Variants in PACRG observed in about 807,000 individuals in gnomAD.
The protein encoded by PACRG is parkin coregulated gene protein.
In PACRG, 29 loss-of-function variants were observed where a neutral mutation model predicts 29.7. The observed-to-expected ratio is 0.98, with a 90% CI of 0.73 to 1.33. The LOEUF (loss-of-function observed/expected upper bound fraction) is 1.33, where lower values mean the gene tolerates loss of function less well. Ranked by LOEUF, PACRG falls within the 40% of genes most tolerant of loss-of-function variation. The pLI, the probability that PACRG is intolerant of heterozygous loss-of-function variation, is 0.00. For missense variants in PACRG, 279 were observed against 316.2 expected (o/e 0.88, Z 0.89); for synonymous variants, 116 against 118.7 (o/e 0.98, Z 0.15).
chr6:163,103,318 T>A (rs1158222771), intron 4 of PACRG, among the ~76,000 whole-genome samples: 3 of 152,172 alleles, frequency 2.0e-5, no homozygotes, highest in African/African-American at 4.8e-5. Flanking sequence ...AGCTCTCAAC[T>A]GCTAGAGGCG....
At position 163,212,930 on chromosome 6, in the gene PACRG, C is replaced by T. The variant is rs575891539; in HGVS notation, c.614-101897C>T. Among the ~76,000 whole-genome samples, 135 of 152,270 alleles carry T rather than the reference C, an allele frequency of 8.9e-4. 2 individuals carry two copies. In the South Asian group the frequency reaches 0.026, roughly 30 times the overall value. On this transcript the variant is annotated intron_variant, in intron 4 of 4. Transcript: ENST00000366888. ...AGTAGCTGGAACTACAGGCACCCAC[C>T]ACCACGCCCAGCTAATTTTTTGTAT...
At chr6:162,837,441 G>T (rs1789329909) in intron 2 of PACRG, among the ~76,000 whole-genome samples, 1 of 152,130 alleles carries the variant, frequency 6.6e-6, no homozygotes, top group Admixed American at 6.6e-5. Flanking sequence ...GCAAATAATA[G>T]AATACTAGTG....
chr6:163,181,490 G>A (rs1361814551), intron 4 of PACRG, among the ~76,000 whole-genome samples: 1 of 151,232 alleles, frequency 6.6e-6, no homozygotes, highest in African/African-American at 2.4e-5. Context: ...TCTGTGTCTC[G>A]TGCCAGCGGC....
intron 2 of PACRG, among the ~76,000 whole-genome samples, chr6:162,896,153 A>C (rs922291867): frequency 2.0e-5 from 3 of 152,206 alleles, no homozygotes; most frequent in Non-Finnish European, 2.9e-5. Context: ...CAGGGTGGTC[A>C]CATGGCCATG....
intron 1 of PACRG, among the ~76,000 whole-genome samples, chr6:162,766,885 G>A (rs1782835803): frequency 6.6e-6 from 1 of 151,982 alleles, no homozygotes; most frequent in African/African-American, 2.4e-5. Context: ...TCTAAGTACT[G>A]ATTCTCACAC....
intron 2 of PACRG, among the ~76,000 whole-genome samples, chr6:162,888,450 C>A (rs1794523731): frequency 6.6e-6 from 1 of 152,106 alleles, no homozygotes; most frequent in Non-Finnish European, 1.5e-5. Context: ...TCCTCAGAGA[C>A]CTTGGACTTG....
At chr6:163,286,386 A>T (rs1784402032) in intron 4 of PACRG, among the ~76,000 whole-genome samples, 1 of 152,220 alleles carries the variant, frequency 6.6e-6, no homozygotes, top group Admixed American at 6.5e-5. Context: ...TAGTAATAAA[A>T]CAATATTCTG....
rs907236276 is a variant in PACRG, at chr6:162,959,354, C to T, written c.292-102796C>T. On this transcript the variant is annotated intron_variant, in intron 2 of 4. Transcript: ENST00000366888. ...GGTCAGGGTGAGCTTGCTGAGAAGG[C>T]GACATTTAAGTGAAGACCTGAAAGA... 9.9e-5 allele frequency among the ~76,000 whole-genome samples: 15 copies of T among 152,028 alleles called. No homozygotes were observed. The South Asian group carries it at 1.9e-3, about 19-fold the overall frequency.
intron 2 of PACRG, among the ~76,000 whole-genome samples, chr6:162,946,934 T>C (rs984930916): frequency 6.6e-6 from 1 of 152,090 alleles, no homozygotes; most frequent in Non-Finnish European, 1.5e-5. Flanking sequence ...CAACTTTTTA[T>C]GTTAAAAATT....
At chr6:163,217,137 G>C (rs6938426) in intron 4 of PACRG, among the ~76,000 whole-genome samples, 2,214 of 152,332 alleles carry the variant, frequency 0.015, 46 homozygotes, top group African/African-American at 0.05. Context: ...GCAGAACCAG[G>C]CTTGGCGATA....
chr6:162,917,863 GTTTATA>G (rs1310093214), intron 2 of PACRG, among the ~76,000 whole-genome samples: 1 of 152,032 alleles, frequency 6.6e-6, no homozygotes, highest in Non-Finnish European at 1.5e-5. Flanking sequence ...ACTGAAATAT[GTTTATA>G]TTTATAGGCT....
At chr6:162,949,484 C>T (rs530203585) in intron 2 of PACRG, among the ~76,000 whole-genome samples, 3 of 152,110 alleles carry the variant, frequency 2.0e-5, no homozygotes, top group East Asian at 1.9e-4. Flanking sequence ...TTGTATATCT[C>T]AAAGGAGCTA....
intron 2 of PACRG, among the ~76,000 whole-genome samples, chr6:163,047,505 C>G (rs1809517109): frequency 6.6e-6 from 1 of 152,148 alleles, no homozygotes; most frequent in Admixed American, 6.5e-5. Flanking sequence ...TTGAAAGTAT[C>G]ATTCTTTGAC....
At chr6:163,077,938 C>T (rs907392990) in intron 3 of PACRG, among the ~76,000 whole-genome samples, 1 of 152,096 alleles carries the variant, frequency 6.6e-6, no homozygotes, top group Non-Finnish European at 1.5e-5. Context: ...GAATGGACAG[C>T]TTAGCTGTCC....
At chr6:163,021,358 C>T (rs780478612) in intron 2 of PACRG, among the ~76,000 whole-genome samples, 4 of 152,204 alleles carry the variant, frequency 2.6e-5, no homozygotes, top group East Asian at 1.9e-4. Flanking sequence ...TGTCCTTGGC[C>T]GTGGACACTT....
chr6:163,137,631 C>T (rs1816989752), intron 4 of PACRG, among the ~76,000 whole-genome samples: 1 of 152,172 alleles, frequency 6.6e-6, no homozygotes. Context: ...ATCCGGAGCT[C>T]GGTCTCCACC....
At chr6:163,287,347 G>T (rs1265057541) in intron 4 of PACRG, among the ~76,000 whole-genome samples, 1 of 152,282 alleles carries the variant, frequency 6.6e-6, no homozygotes, top group Admixed American at 6.5e-5. Flanking sequence ...AGAAGGGAAA[G>T]GGACCCCTCA....
chr6:162,891,796 T>A (rs756822804), intron 2 of PACRG, among the ~76,000 whole-genome samples: 1 of 152,010 alleles, frequency 6.6e-6, no homozygotes, highest in Non-Finnish European at 1.5e-5. Flanking sequence ...TGTGGACCTG[T>A]TTCGATGAGA....
At chr6:163,294,700 AT>A (rs1162248868) in intron 4 of PACRG, among the ~76,000 whole-genome samples, 1 of 152,236 alleles carries the variant, frequency 6.6e-6, no homozygotes, top group Non-Finnish European at 1.5e-5. Context: ...TGAATAATTA[AT>A]TTCACAGATA....
Sources: gnomAD v4.1 joint callset for allele counts (sites outside exome capture counted in the v4.1 genomes callset) on GRCh38, gnomAD v4.1.1 for gene constraint, MANE v1.5 for transcripts, NCBI Gene and HGNC (gene_info 2026-07-23, HGNC 2026-07-21) for gene names.